Variants in MBTD1 observed in about 807,000 individuals in gnomAD.
MBTD1 encodes MBT domain-containing protein 1.
In MBTD1, 24 loss-of-function variants were observed where a neutral mutation model predicts 87.8. The observed-to-expected ratio is 0.27, with a 90% confidence interval of 0.20 to 0.38. MBTD1 has a LOEUF of 0.38. MBTD1 is among the 10% of genes least tolerant of loss of function. MBTD1 has a pLI of 1.00. For synonymous variants in MBTD1, 237 were observed against 248.6 expected (o/e 0.95, Z 0.44); for missense variants, 436 against 760.2 (o/e 0.57, Z 5.02).
At chr17:51,248,589 ATATT>A (rs755265408) in intron 2 of MBTD1, among the ~76,000 whole-genome samples, 11 of 152,192 alleles carry the variant, frequency 7.2e-5, no homozygotes, top group Admixed American at 2.6e-4. Flanking sequence ...AATTTTGTAT[ATATT>A]TAAGATTTTA....
chr17:51,219,606 G>T (rs2052769639), intron 4 of MBTD1, among the ~76,000 whole-genome samples: 2 of 152,152 alleles, frequency 1.3e-5, no homozygotes, highest in African/African-American at 4.8e-5. Context: ...ATACATCTAA[G>T]TGATGTATTT....
chr17:51,258,448 C>T (rs977722671), intron 2 of MBTD1, among the ~76,000 whole-genome samples: 5 of 151,536 alleles, frequency 3.3e-5, no homozygotes, highest in Non-Finnish European at 7.4e-5. Flanking sequence ...ATATTGTAAA[C>T]TCTAAACAAG....
intron 12 of MBTD1, among the ~76,000 whole-genome samples, chr17:51,201,228 A>G (rs561702436): frequency 6.0e-4 from 91 of 152,304 alleles, no homozygotes; most frequent in African/African-American, 2.1e-3. Context: ...AGCAGCAAAA[A>G]CTACTACCAA....
intron 2 of MBTD1, among the ~76,000 whole-genome samples, chr17:51,240,437 G>T (rs140430740): frequency 6.6e-6 from 1 of 152,092 alleles, no homozygotes; most frequent in Non-Finnish European, 1.5e-5. Flanking sequence ...GGTTTTCTTG[G>T]TTTTTCATGA....
intron 2 of MBTD1, among the ~76,000 whole-genome samples, chr17:51,246,735 A>C (rs1313273695): frequency 6.6e-6 from 1 of 152,092 alleles, no homozygotes; most frequent in Non-Finnish European, 1.5e-5. Context: ...TCCAGGGTTC[A>C]AGCAATTCTC....
intron 2 of MBTD1, among the ~76,000 whole-genome samples, chr17:51,235,846 A>G (rs2053799392): frequency 6.6e-6 from 1 of 152,216 alleles, no homozygotes; most frequent in Non-Finnish European, 1.5e-5. Context: ...TAGAATAGCC[A>G]AAGCAAATTT....
chr17:51,224,427 G>A (rs11079947), intron 3 of MBTD1, among the ~76,000 whole-genome samples: 59,865 of 152,060 alleles, frequency 0.39, 13,267 homozygotes, highest in East Asian at 0.6. Context: ...CAGACTCCCA[G>A]AAGCAAAGTT....
chr17:51,211,877 C>T (rs527509318), intron 6 of MBTD1, among the ~76,000 whole-genome samples: 3 of 151,982 alleles, frequency 2.0e-5, no homozygotes, highest in African/African-American at 7.2e-5. Context: ...TAAACTATTG[C>T]TACTGTACAT....
At chr17:51,243,618 C>T (rs1488842960) in intron 2 of MBTD1, among the ~76,000 whole-genome samples, 1 of 152,178 alleles carries the variant, frequency 6.6e-6, no homozygotes, top group Non-Finnish European at 1.5e-5. Context: ...TATAGCATTT[C>T]CTCCTTCAAG....
intron 16 of MBTD1, chr17:51,185,448 C>T (rs186897485): frequency 3.3e-5 from 5 of 152,292 alleles, no homozygotes; most frequent in Non-Finnish European, 5.9e-5. Flanking sequence ...CAATTACACT[C>T]GAATCAAATG....
chr17:51,202,134 C>T (rs536958633), intron 10 of MBTD1, 57 bp from the exon 11 acceptor site: 43 of 1,066,634 alleles, frequency 4.0e-5, no homozygotes, highest in Admixed American at 3.3e-4. Context: ...CCAAAAACCA[C>T]GTTCTTTGAA....
intron 2 of MBTD1, among the ~76,000 whole-genome samples, chr17:51,245,346 G>C (rs1368997034): frequency 6.6e-6 from 1 of 152,120 alleles, no homozygotes; most frequent in East Asian, 1.9e-4. Context: ...GGAAAATTGT[G>C]ATTTTGCACA....
intron 12 of MBTD1, among the ~76,000 whole-genome samples, chr17:51,199,260 C>A (rs2051321033): frequency 6.6e-6 from 1 of 151,002 alleles, no homozygotes; most frequent in Non-Finnish European, 1.5e-5. Context: ...CCAGGCCCAG[C>A]TAATTTTTTT....
At chr17:51,243,429 A>C (rs1351662469) in intron 2 of MBTD1, among the ~76,000 whole-genome samples, 86 of 152,280 alleles carry the variant, frequency 5.6e-4, no homozygotes. Context: ...TTCTTCTCTA[A>C]ACACATAGAT....
intron 12 of MBTD1, among the ~76,000 whole-genome samples, chr17:51,199,847 C>T (rs1342539725): frequency 6.7e-6 from 1 of 148,202 alleles, no homozygotes; most frequent in Non-Finnish European, 1.5e-5. Context: ...TTTTTTGAGA[C>T]AGAGTCTCGC....
intron 2 of MBTD1, chr17:51,256,365 G>A (rs1377557123): frequency 6.6e-6 from 1 of 152,148 alleles, no homozygotes; most frequent in African/African-American, 2.4e-5. Context: ...ACTTCTACTA[G>A]ACTAAATTCT....
At chr17:51,241,208 A>G in intron 2 of MBTD1, among the ~76,000 whole-genome samples, 1 of 152,128 alleles carries the variant, frequency 6.6e-6, no homozygotes, top group East Asian at 1.9e-4. Context: ...TCCTGGCCTC[A>G]TGTGATCCTC....
intron 4 of MBTD1, 47 bp from the exon 5 acceptor site, chr17:51,219,091 A>C: frequency 1.0e-6 from 1 of 954,366 alleles, no homozygotes; most frequent in Non-Finnish European, 1.7e-6. Context: ...TCATCCCCTC[A>C]CCACCACAAT....
chr17:51,206,144 T>C (rs1598331359), intron 7 of MBTD1, among the ~76,000 whole-genome samples: 2 of 152,184 alleles, frequency 1.3e-5, no homozygotes, highest in Non-Finnish European at 2.9e-5. Flanking sequence ...ATTCCTAACA[T>C]GTTTACTTCA....
Sources: allele counts gnomAD v4.1 joint callset (sites outside exome capture counted in the v4.1 genomes callset), GRCh38; gene constraint gnomAD v4.1.1; transcripts MANE v1.5; gene names NCBI Gene and HGNC (gene_info 2026-07-23, HGNC 2026-07-21).